The following DDX31 variants were observed in gnomAD, a reference collection of about 807,000 sequenced individuals.
The protein encoded by DDX31 is ATP-dependent DNA helicase DDX31.
A neutral mutation model predicts 91.3 loss-of-function variants in DDX31; 70 were observed. The observed-to-expected ratio is 0.77, with a 90% CI of 0.63 to 0.94. The LOEUF is 0.94. Ranked by LOEUF, DDX31 falls within the 40% of genes least tolerant of loss-of-function variation. The pLI is 0.00. For synonymous variants in DDX31, 362 were observed against 350.6 expected (o/e 1.03, Z -0.36); for missense variants, 902 against 925.0 (o/e 0.98, Z 0.32).
intron 14 of DDX31, among the ~76,000 whole-genome samples, chr9:132,635,911 T>A (rs1211998302): frequency 6.6e-6 from 1 of 151,092 alleles, no homozygotes; most frequent in Non-Finnish European, 1.5e-5. Flanking sequence ...GCCGTTGCAC[T>A]CCAGCCTGGG....
chr9:132,659,784 G>C lies in DDX31; in HGVS notation c.453-4C>G. The C allele has an allele frequency of 6.2e-7, 1 of 1,612,424 alleles. No homozygotes were observed. The highest frequency in any genetic ancestry group is 8.5e-7 in the Non-Finnish European group (1 of 1,179,196). The stretch of plus-strand genomic sequence containing the variant: ...AGGAATACTTTGCTTCTGAACACTG[G>C]GCCACCCGAAAAAAAGAACACACTT... On this transcript the variant is annotated splice_polypyrimidine_tract_variant and splice_region_variant and intron_variant, in intron 4 of 19. Coordinates refer to ENST00000372159, the MANE Select transcript of DDX31 (RefSeq NM_022779.9).
At chr9:132,621,589 T>C (rs1231816018) in intron 17 of DDX31, among the ~76,000 whole-genome samples, 2 of 152,220 alleles carry the variant, frequency 1.3e-5, no homozygotes, top group Non-Finnish European at 2.9e-5. Context: ...GGCACTGTAA[T>C]GAGGTGTCTG....
chr9:132,614,391 G>A (rs998561362), intron 18 of DDX31, among the ~76,000 whole-genome samples: 20 of 151,886 alleles, frequency 1.3e-4, no homozygotes, highest in African/African-American at 4.8e-4. Context: ...TAGATACAGA[G>A]CCCCACAGCC....
chr9:132,651,226 A>G, intron 7 of DDX31, 110 bp from the exon 8 acceptor site: 1 of 915,542 alleles, frequency 1.1e-6, no homozygotes, highest in Non-Finnish European at 1.7e-6. Flanking sequence ...TTAAGATTTA[A>G]GAAGAAAAAA....
At position 132,594,547 on chromosome 9, in the gene DDX31, A is replaced by G. The variant is rs2119153027; in HGVS notation, c.*319T>C. The G allele has an allele frequency of 3.8e-6, 1 of 266,380 alleles. No individual in the cohort carries two copies. The highest frequency in any genetic ancestry group is 8.3e-5 in the East Asian group (1 of 12,042). 16.5% of individuals were successfully genotyped at this position (266,380 alleles called of 1,614,324 possible). Reference sequence around the variant, plus strand: ...AGGCTGACGCGCAGGGCGTTCTTACATCACATCCCGGGGTGCCAGCTCAAC... The same window carrying G: ...AGGCTGACGCGCAGGGCGTTCTTACGTCACATCCCGGGGTGCCAGCTCAAC... On this transcript the variant is annotated 3_prime_UTR_variant, in exon 20 of 20. Transcript: ENST00000372159.
At chr9:132,613,673 A>G (rs751541048) in intron 18 of DDX31, among the ~76,000 whole-genome samples, 4 of 152,250 alleles carry the variant, frequency 2.6e-5, no homozygotes, top group African/African-American at 4.8e-5. Context: ...CAGCCTGGGC[A>G]ACAAGAGCAA....
chr9:132,601,262 C>T (rs753711494), intron 19 of DDX31, among the ~76,000 whole-genome samples: 4 of 152,178 alleles, frequency 2.6e-5, no homozygotes, highest in Admixed American at 6.5e-5. Flanking sequence ...GATGGGCCTA[C>T]GCTGGCAAGG....
intron 1 of DDX31, among the ~76,000 whole-genome samples, chr9:132,666,903 C>T (rs778864877): frequency 3.9e-5 from 6 of 152,112 alleles, no homozygotes; most frequent in South Asian, 2.1e-4. Context: ...TTAATAGAGA[C>T]GGGGTTTCAC....
chr9:132,646,316 C>G (rs1833837627), intron 12 of DDX31, among the ~76,000 whole-genome samples: 1 of 152,170 alleles, frequency 6.6e-6, no homozygotes, highest in African/African-American at 2.4e-5. Context: ...ATAAACACAC[C>G]TGGGAGCACA....
At chr9:132,669,485 G>T in intron 1 of DDX31, 3 of 932,308 alleles carry the variant, frequency 3.2e-6, no homozygotes, top group Non-Finnish European at 4.4e-6. Flanking sequence ...AAAAAAATCA[G>T]AGCTTAGTCC....
chr9:132,664,997 C>G (rs751337610), intron 1 of DDX31, among the ~76,000 whole-genome samples: 7 of 152,152 alleles, frequency 4.6e-5, no homozygotes, highest in African/African-American at 1.7e-4. Flanking sequence ...CCAGTCAAGC[C>G]AAGGTGCTCT....
At position 132,645,890 on chromosome 9, in the gene DDX31, CT is replaced by C; in HGVS notation, c.1380+4del. 1 of 1,609,960 alleles carries C rather than the reference CT, an allele frequency of 6.2e-7. No individual in the cohort carries two copies. Among genetic ancestry groups the C allele is most frequent in the South Asian group, 1.1e-5 (1 of 90,692 alleles). On this transcript the variant is annotated splice_donor_region_variant and intron_variant, in intron 13 of 19. Transcript: ENST00000372159. ...TTGTCGCTGCACAGGGAGATCAGTG[CT>C]CACCTCCTGCTCCATGCCGCCATGC... is the stretch of plus-strand genomic sequence containing the variant.
At chr9:132,640,719 G>T (rs1423633928) in intron 14 of DDX31, among the ~76,000 whole-genome samples, 1 of 152,032 alleles carries the variant, frequency 6.6e-6, no homozygotes, top group African/African-American at 2.4e-5. Context: ...TGTTGCTCAG[G>T]CTGGTCGTGA....
At chr9:132,631,907 A>G (rs1368560252) in intron 15 of DDX31, 134 bp downstream of exon 15, 1 of 739,736 alleles carries the variant, frequency 1.4e-6, no homozygotes, top group East Asian at 2.8e-5. Context: ...TTGAACAGAT[A>G]AGGCTGGTTT....
intron 4 of DDX31, among the ~76,000 whole-genome samples, chr9:132,660,372 C>A (rs2130837352): frequency 6.6e-6 from 1 of 150,524 alleles, no homozygotes; most frequent in South Asian, 2.1e-4. Context: ...ACAGGCATGA[C>A]AACAAATCAG....
Position 132,595,448 on chromosome 9 carries a change from A to G in DDX31, c.1995-336T>C, listed in dbSNP as rs1458364892. ...TACAGCGGTTTGCCAAAGGACAGGG[A>G]AAAACCCACCGTCACACTCAACAAC... On this transcript the variant is annotated intron_variant, in intron 19 of 19. Coordinates refer to ENST00000372159, the MANE Select transcript of DDX31 (RefSeq NM_022779.9). The surrounding 1 kb of genome is among the most constrained non-coding windows in gnomAD (Gnocchi z 4.6). 6.6e-6 allele frequency among the ~76,000 whole-genome samples: 1 copy of G among 152,202 alleles called. No individual in the cohort carries two copies. Among genetic ancestry groups the G allele is most frequent in the Non-Finnish European group, 1.5e-5 (1 of 68,040 alleles).
At chr9:132,657,000 A>G (rs775617133) in intron 6 of DDX31, among the ~76,000 whole-genome samples, 12 of 152,214 alleles carry the variant, frequency 7.9e-5, no homozygotes, top group Non-Finnish European at 1.6e-4. Flanking sequence ...GAGAAAACCA[A>G]TGTTAACAGT....
chr9:132,626,925 G>A (rs1832428129), intron 16 of DDX31, among the ~76,000 whole-genome samples: 2 of 152,048 alleles, frequency 1.3e-5, no homozygotes, highest in South Asian at 4.2e-4. Context: ...TGCTCTGAAA[G>A]GGCAGGAGTC....
Position 132,630,293 on chromosome 9 carries a change from A to G in DDX31, c.1602T>C (p.Tyr534=). 1 of 1,587,334 alleles carries G rather than the reference A, an allele frequency of 6.3e-7. No individual in the cohort carries two copies. The highest frequency in any genetic ancestry group is 8.6e-7 in the Non-Finnish European group (1 of 1,158,466). ...TTTTGTGAGAAGCCAACGAGTTGACATATTCTGCCTCCGAAGGAGCCAAAA... is the reference window on the plus strand; with the variant it reads ...TTTTGTGAGAAGCCAACGAGTTGACGTATTCTGCCTCCGAAGGAGCCAAAA... ...LLILAPSEAE[Y]VNSLASHKIN... Residue 534 remains tyrosine (Y), a synonymous_variant, in exon 16 of 20, where the codon TAT becomes TAC. Transcript: ENST00000372159.
Sources: gnomAD v4.1 joint callset for allele counts (sites outside exome capture counted in the v4.1 genomes callset) on GRCh38, gnomAD v4.1.1 for gene constraint, Gnocchi (gnomAD v3.1) non-coding constraint, MANE v1.5 for transcripts, NCBI Gene and HGNC (gene_info 2026-07-23, HGNC 2026-07-21) for gene names.